Variants in NEB observed in about 807,000 individuals in gnomAD.
NEB encodes nebulin, also known as nemaline myopathy type 2.
A neutral mutation model predicts 952.2 loss-of-function variants in NEB; 512 were observed. That is an observed-to-expected ratio of 0.54 (90% CI 0.50 to 0.58). NEB has a LOEUF of 0.58. Among genes scored for constraint, NEB ranks in the 20% least tolerant of loss-of-function variants. The probability of loss-of-function intolerance (pLI) is 0.00; values close to 1 mark genes in which losing one functional copy is unlikely to be tolerated. For missense variants in NEB, 8,428 were observed against 9,231.1 expected, an observed-to-expected ratio of 0.91 and a Z score of 3.56; for synonymous variants, 2,900 against 3,149.8, an observed-to-expected ratio of 0.92 and a Z score of 2.66.
intron 164 of NEB, 84 bp from the exon 165 acceptor site, chr2:151,505,654 C>T (rs1327789338): frequency 8.6e-7 from 1 of 1,163,470 alleles, no homozygotes; most frequent in Non-Finnish European, 1.3e-6. Flanking sequence ...TTTTTGTAGC[C>T]CCCAAATTAA....
chr2:151,533,395 C>A (rs2092278839), intron 143 of NEB, 47 bp downstream of exon 143: 4 of 1,307,828 alleles, frequency 3.1e-6, no homozygotes, highest in Admixed American at 2.0e-5. Context: ...GGGAATGCAT[C>A]CAAGACTTCT....
At chr2:151,651,471 A>G (rs1007457311) in intron 52 of NEB, among the ~76,000 whole-genome samples, 2 of 152,198 alleles carry the variant, frequency 1.3e-5, no homozygotes, top group African/African-American at 2.4e-5. Flanking sequence ...GTGGTTTGCC[A>G]TGTGGTTACG....
chr2:151,625,854 A>G (rs1173029437), intron 70 of NEB, among the ~76,000 whole-genome samples: 1 of 152,204 alleles, frequency 6.6e-6, no homozygotes, highest in Non-Finnish European at 1.5e-5. Context: ...ATATATACAT[A>G]TAATCAAACA....
chr2:151,722,978 T>C (rs1248360705), intron 9 of NEB, among the ~76,000 whole-genome samples: 2 of 152,172 alleles, frequency 1.3e-5, no homozygotes, highest in Non-Finnish European at 2.9e-5. Flanking sequence ...TTAATAGATT[T>C]GGGAAGGTGG....
In NEB at chr2:151,492,085, C is replaced by T. The variant is rs1253111505; in HGVS notation, c.25057+13G>A. On this transcript the variant is annotated intron_variant, in intron 178 of 181. Transcript: ENST00000397345. ...TTAAAGTTAATCCCCTCCCCCAACC[C>T]AGGCTCAGTTACCTGTAATAGTCTC... 6 of 1,613,292 alleles carry T rather than the reference C, an allele frequency of 3.7e-6. No homozygotes were observed.
At chr2:151,610,458 A>G (rs2097906259) in intron 80 of NEB, 58 bp downstream of exon 80, 1 of 1,337,452 alleles carries the variant, frequency 7.5e-7, no homozygotes, top group Non-Finnish European at 1.1e-6. Context: ...TTCACCAGCC[A>G]CCCTCTGGGT....
rs764585633 is a variant in NEB at position 151,554,018 on chromosome 2, T to C, written c.19436A>G (p.Tyr6479Cys). The C allele has an allele frequency of 1.9e-6, 3 of 1,613,664 alleles. No homozygotes were observed. The Admixed American group carries it at 5.0e-5, about 27-fold the overall frequency. ...CTTGTTCTTTTCATAAACTGATCTG[T>C]ACAGGCGCTGTAAAGTTAAAATCAC... ...RVGKLNIDRLYRSVYEKNKMK... is the reference protein window; with the variant it reads ...RVGKLNIDRLCRSVYEKNKMK... The change falls in exon 126 of 182, where the codon TAC (tyrosine) becomes TGC (cysteine). Residue 6479 changes from tyrosine (Y) to cysteine (C), a missense_variant. Tyr to Cys is a radical substitution (Grantham distance 194). Coordinates refer to ENST00000397345, the MANE Select transcript of NEB (RefSeq NM_001164508.2).
intron 157 of NEB, 139 bp from the exon 158 acceptor site, chr2:151,515,067 A>C (rs940109391): frequency 4.8e-6 from 3 of 625,038 alleles, no homozygotes; most frequent in Non-Finnish European, 8.4e-6. Flanking sequence ...CACACATTTG[A>C]AACATGTATG....
chr2:151,729,578 G>A, intron 4 of NEB, 37 bp downstream of exon 4: 4 of 1,607,750 alleles, frequency 2.5e-6, no homozygotes, highest in South Asian at 1.1e-5. Flanking sequence ...CTGCTTTAAT[G>A]AGAATGCAGT....
intron 92 of NEB, among the ~76,000 whole-genome samples, chr2:151,594,858 G>A (rs1183900008): frequency 2.1e-5 from 1 of 48,614 alleles, no homozygotes; most frequent in East Asian, 3.3e-4. Context: ...GGTAGGGAGA[G>A]GTCATACGTG....
Position 151,723,443 on chromosome 2 carries a change from T to C in NEB, c.656A>G (p.Tyr219Cys). 1 of 1,610,258 alleles carries C rather than the reference T, an allele frequency of 6.2e-7. No homozygotes were observed. Among genetic ancestry groups the C allele is most frequent in the East Asian group, 2.2e-5 (1 of 44,840 alleles). Residue 219 changes from tyrosine to cysteine, a missense_variant, in exon 9 of 182, where the codon TAC (tyrosine) becomes TGC (cysteine). This residue lies in a region of NEB where 2,851 missense variants were observed against 2,791.5 expected (regional missense o/e 1.02). Transcript: ENST00000397345. ...EDWEADKSLF[Y>C]PYNDSPELRR... Reference sequence around the variant, plus strand: ...CAGTTCCGGGCTATCATTATAGGGGTAAAACAAACTTTTGTCTGCTTCCCA... The same window carrying C: ...CAGTTCCGGGCTATCATTATAGGGGCAAAACAAACTTTTGTCTGCTTCCCA...
intron 74 of NEB, 163 bp from the exon 75 acceptor site, chr2:151,617,631 C>A (rs1483733734): frequency 3.1e-5 from 16 of 523,618 alleles, no homozygotes; most frequent in African/African-American, 2.7e-4. Context: ...TATTAAAATT[C>A]TTTCAATAAT....
rs191299444 is a variant in NEB, at chr2:151,605,717, G to C, written c.12748-846C>G. Among the ~76,000 whole-genome samples the C allele has an allele frequency of 5.2e-3, 515 of 99,408 alleles. 96 individuals carry two copies. The highest frequency in any genetic ancestry group is 0.013 in the African/African-American group (457 of 35,628). 65.2% of individuals were successfully genotyped at this position (99,408 alleles called of 152,430 possible). On this transcript the variant is annotated intron_variant, in intron 84 of 181. Transcript: ENST00000397345. ...ACAACTGGCTACATGATGAAAATCA[G>C]AGAAGAACACAGAGAAAGGAACAAG...
In NEB at chr2:151,643,308, TCCAG is replaced by T; in HGVS notation, c.7998_8001del (p.Trp2667Ter). 1 of 1,613,638 alleles carries T rather than the reference TCCAG, an allele frequency of 6.2e-7. No homozygotes were observed. The highest frequency in any genetic ancestry group is 8.5e-7 in the Non-Finnish European group (1 of 1,179,818). ...TCATCCTCGAGAGAACCACTAGTCA[TCCAG>T]CCAATGCCTTTTAGCCACTGAAGGT... On this transcript the variant is annotated frameshift_variant, in exon 58 of 182. Coordinates refer to ENST00000397345, the MANE Select transcript of NEB (RefSeq NM_001164508.2). LOFTEE classifies it high-confidence loss of function.
At chr2:151,702,248 T>C (rs2099675429) in intron 13 of NEB, among the ~76,000 whole-genome samples, 1 of 151,992 alleles carries the variant, frequency 6.6e-6, no homozygotes, top group African/African-American at 2.4e-5. Context: ...TTATAATGTC[T>C]GTTCTTTTAC....
chr2:151,594,558 A>G (rs2097362223), intron 92 of NEB, among the ~76,000 whole-genome samples: 1 of 148,682 alleles, frequency 6.7e-6, no homozygotes. Flanking sequence ...TAATGAAAAC[A>G]ATAGCTAACA....
chr2:151,499,074 AAGC>A (rs149800451), intron 169 of NEB, among the ~76,000 whole-genome samples: 2,529 of 152,274 alleles, frequency 0.017, 20 homozygotes, highest in Middle Eastern at 0.044. Flanking sequence ...ACATTTGTAA[AAGC>A]AGGAATATAA....
Position 151,502,903 on chromosome 2 carries a change from G to GT in NEB, c.23836-19dup. On this transcript the variant is annotated intron_variant, in intron 166 of 181. Transcript: ENST00000397345. ...TACAAAACCTGTGAGATACAAGAAA[G>GT]TACCCAGAGGACATTTAAAACAGGC... 6.9e-7 allele frequency: 1 copy of GT among 1,439,920 alleles called. No homozygotes were observed. Among genetic ancestry groups the GT allele is most frequent in the South Asian group, 1.2e-5 (1 of 82,558 alleles). 89.2% of individuals were successfully genotyped at this position (1,439,920 alleles called of 1,614,324 possible). A position where few individuals can be genotyped will look rare whatever the true frequency, so the allele number is the denominator to read the frequency against.
intron 117 of NEB, among the ~76,000 whole-genome samples, chr2:151,564,378 C>A (rs1371900233): frequency 6.6e-6 from 1 of 152,106 alleles, no homozygotes; most frequent in Non-Finnish European, 1.5e-5. Context: ...TGGTCTAACT[C>A]CTGACCTCAG....
Sources: allele counts gnomAD v4.1 joint callset (sites outside exome capture counted in the v4.1 genomes callset), GRCh38; gene constraint gnomAD v4.1.1; regional missense constraint gnomAD v4.1.1; transcripts MANE v1.5; gene names NCBI Gene and HGNC (gene_info 2026-07-23, HGNC 2026-07-21).